MYRIP: variants seen among roughly 807,000 people sequenced by gnomAD.
MYRIP encodes myosin VIIA and Rab interacting protein, also known as rab effector MyRIP.
A neutral mutation model predicts 98.0 loss-of-function variants in MYRIP; 49 were observed. That is an observed-to-expected ratio of 0.50 (90% CI 0.40 to 0.63). The LOEUF (loss-of-function observed/expected upper bound fraction) is 0.63, where lower values mean the gene tolerates loss of function less well. Among genes scored for constraint, MYRIP ranks in the 30% least tolerant of loss-of-function variants. The pLI is 0.00. For missense variants in MYRIP, 1,004 were observed against 1,058.2 expected (o/e 0.95, Z 0.71); for synonymous variants, 404 against 409.5 (o/e 0.99, Z 0.16).
At position 40,167,213 on chromosome 3, in the gene MYRIP, G is replaced by C; in HGVS notation, c.703G>C (p.Glu235Gln). 2 of 1,614,186 alleles carry C rather than the reference G, an allele frequency of 1.2e-6. No homozygotes were observed. The highest frequency in any genetic ancestry group is 1.7e-6 in the Non-Finnish European group (2 of 1,180,024). ...LRDHKEELTE[E>Q]LATTILQKII... ...GGACCACAAGGAGGAGCTAACTGAG[G>C]AACTGGCCACGACAATCCTGCAGAA... The change falls in exon 7 of 17, where the codon GAA becomes CAA. Residue 235 changes from glutamate to glutamine, a missense_variant. Physicochemically the swap from Glu to Gln is conservative, Grantham distance 29. Around this residue, in one of 3 missense-constraint regions of MYRIP, gnomAD observed 880 missense variants for 907.7 expected, o/e 0.97. Transcript: ENST00000302541.
rs148076869 is a variant in MYRIP at position 40,079,436 on chromosome 3, G to C, written c.332+35165G>C. 2.0e-5 allele frequency among the ~76,000 whole-genome samples: 3 copies of C among 152,296 alleles called. No individual in the cohort carries two copies. In the East Asian group the frequency reaches 5.8e-4, roughly 29 times the overall value. The stretch of plus-strand genomic sequence containing the variant: ...AAGTGCAGCTTCATCAGGGACAGTT[G>C]CCGTTAAATCCACTGGACTAAAGAG... On this transcript the variant is annotated intron_variant, in intron 3 of 16. Transcript: ENST00000302541.
chr3:39,817,757 G>A (rs1043487969), intron 1 of MYRIP, among the ~76,000 whole-genome samples: 5 of 152,094 alleles, frequency 3.3e-5, no homozygotes, highest in African/African-American at 1.2e-4. Context: ...ATTGTATAGT[G>A]TGGTTCTAAG....
At chr3:39,857,876 AC>A (rs1481870357) in intron 1 of MYRIP, among the ~76,000 whole-genome samples, 6 of 152,126 alleles carry the variant, frequency 3.9e-5, no homozygotes, top group Admixed American at 6.5e-5. Flanking sequence ...AGAAGGAAAA[AC>A]CTGTAGAAGA....
rs143210954 is a variant in MYRIP at position 39,840,643 on chromosome 3, G to T, written c.-31+30727G>T. On this transcript the variant is annotated intron_variant, in intron 1 of 16. Coordinates refer to ENST00000302541, the MANE Select transcript of MYRIP (RefSeq NM_015460.4). The stretch of plus-strand genomic sequence containing the variant: ...TTTAGTGCTTTCTTCAGGAGCTCTT[G>T]TAAGGCAGGCCTGATGGTGACAGAA... Among the ~76,000 whole-genome samples the T allele has an allele frequency of 2.3e-3, 353 of 152,340 alleles. 4 individuals carry two copies. Among genetic ancestry groups the T allele is most frequent in the African/African-American group, 8.1e-3 (336 of 41,580 alleles).
At chr3:39,955,643 C>T (rs970310759) in intron 2 of MYRIP, among the ~76,000 whole-genome samples, 1 of 152,154 alleles carries the variant, frequency 6.6e-6, no homozygotes, top group African/African-American at 2.4e-5. Flanking sequence ...AACCAGCTAA[C>T]ATCATAATGA....
chr3:40,074,373 A>G (rs1157725095), intron 3 of MYRIP, among the ~76,000 whole-genome samples: 3 of 152,118 alleles, frequency 2.0e-5, no homozygotes, highest in Non-Finnish European at 4.4e-5. Context: ...ACTCCTACCT[A>G]TGCATTCTTA....
chr3:40,193,451 T>G lies in MYRIP; in HGVS notation c.1665+2988T>G, dbSNP rs375757858. Among the ~76,000 whole-genome samples, 5 of 152,318 alleles carry G rather than the reference T, an allele frequency of 3.3e-5. 1 individual carries two copies. Among genetic ancestry groups the G allele is most frequent in the African/African-American group, 9.6e-5 (4 of 41,568 alleles). On this transcript the variant is annotated intron_variant, in intron 10 of 16. Coordinates refer to ENST00000302541, the MANE Select transcript of MYRIP (RefSeq NM_015460.4). Reference sequence around the variant, plus strand: ...TCCATAATGATGGGTATTTAAAGACTTTTTCAATATCTTGATTTTATAAGC... The same window carrying G: ...TCCATAATGATGGGTATTTAAAGACGTTTTCAATATCTTGATTTTATAAGC...
intron 1 of MYRIP, among the ~76,000 whole-genome samples, chr3:39,836,691 A>T (rs1477676532): frequency 1.1e-4 from 16 of 152,234 alleles, no homozygotes; most frequent in Admixed American, 1.0e-3. Flanking sequence ...ACAGACTCCG[A>T]GGAGAGTCAT....
intron 1 of MYRIP, among the ~76,000 whole-genome samples, chr3:39,819,477 A>T (rs1449513065): frequency 6.6e-6 from 1 of 152,254 alleles, no homozygotes; most frequent in African/African-American, 2.4e-5. Flanking sequence ...AGGAAAGCAC[A>T]TCTGTCCAGC....
At chr3:39,986,114 C>T (rs1347765331) in intron 2 of MYRIP, among the ~76,000 whole-genome samples, 3 of 152,164 alleles carry the variant, frequency 2.0e-5, no homozygotes, top group African/African-American at 4.8e-5. Flanking sequence ...TTCAATATTA[C>T]TCACACCTCT....
intron 2 of MYRIP, 126 bp downstream of exon 2, chr3:39,901,052 C>T (rs1943730326): frequency 3.0e-6 from 2 of 657,584 alleles, no homozygotes; most frequent in African/African-American, 3.6e-5. Flanking sequence ...GTCAGAATGT[C>T]CTGTCCTTTG....
intron 2 of MYRIP, among the ~76,000 whole-genome samples, chr3:39,948,507 A>G (rs1944945705): frequency 6.6e-6 from 1 of 152,168 alleles, no homozygotes; most frequent in South Asian, 2.1e-4. Flanking sequence ...CAAAGAACTC[A>G]TTAAAGTAAG....
intron 1 of MYRIP, among the ~76,000 whole-genome samples, chr3:39,887,425 A>T (rs1244631152): frequency 6.6e-6 from 1 of 152,196 alleles, no homozygotes; most frequent in Non-Finnish European, 1.5e-5. Flanking sequence ...AGGATCAACA[A>T]AATTGATAAA....
At chr3:40,254,140 A>G (rs894870122) in intron 16 of MYRIP, among the ~76,000 whole-genome samples, 8 of 152,224 alleles carry the variant, frequency 5.3e-5, no homozygotes, top group Middle Eastern at 3.2e-3. Flanking sequence ...ATCGAGAAAA[A>G]TAACGAGACA....
intron 2 of MYRIP, among the ~76,000 whole-genome samples, chr3:39,981,393 T>C (rs1272407850): frequency 6.6e-6 from 1 of 152,220 alleles, no homozygotes; most frequent in East Asian, 1.9e-4. Context: ...TTACAATTTT[T>C]TAAAATACTA....
intron 1 of MYRIP, among the ~76,000 whole-genome samples, chr3:39,873,691 G>T (rs7372726): frequency 0.32 from 47,857 of 150,548 alleles, 7,621 homozygotes; most frequent in Middle Eastern, 0.45. Context: ...CTGTTCCATT[G>T]ATCTATATCT....
chr3:40,242,779 G>A (rs1440145492), intron 12 of MYRIP, among the ~76,000 whole-genome samples: 1 of 151,434 alleles, frequency 6.6e-6, no homozygotes, highest in African/African-American at 2.4e-5. Context: ...GTGTAGATAG[G>A]GAAAAGTATT....
intron 10 of MYRIP, among the ~76,000 whole-genome samples, chr3:40,200,725 G>A (rs1273425518): frequency 6.6e-6 from 1 of 152,146 alleles, no homozygotes; most frequent in Admixed American, 6.5e-5. Context: ...CAAATGGATA[G>A]CAAGTCATTC....
intron 3 of MYRIP, among the ~76,000 whole-genome samples, chr3:40,147,307 G>T (rs1323253899): frequency 2.6e-5 from 4 of 152,076 alleles, no homozygotes; most frequent in Non-Finnish European, 5.9e-5. Context: ...GTAAGATTTT[G>T]ACTCCATTCT....
Sources: gnomAD v4.1 joint callset for allele counts (sites outside exome capture counted in the v4.1 genomes callset) on GRCh38, gnomAD v4.1.1 for gene constraint, gnomAD v4.1.1 regional missense constraint, MANE v1.5 for transcripts, NCBI Gene and HGNC (gene_info 2026-07-23, HGNC 2026-07-21) for gene names.